Variants in KCNN2 observed in about 807,000 individuals in gnomAD.
KCNN2 encodes small conductance calcium-activated potassium channel protein 2.
KCNN2 carries 24 observed loss-of-function variants against 55.5 expected under a neutral mutation model. That is an observed-to-expected ratio of 0.43 (90% CI 0.31 to 0.61). KCNN2 has a LOEUF of 0.61. KCNN2 is among the 20% of genes least tolerant of loss of function. KCNN2 has a pLI of 0.08. For synonymous variants in KCNN2, 431 were observed against 336.1 expected (o/e 1.28, Z -3.09); for missense variants, 754 against 853.6 (o/e 0.88, Z 1.45).
intron 4 of KCNN2, 26 bp downstream of exon 4, chr5:114,463,216 C>T: frequency 1.3e-6 from 2 of 1,588,820 alleles, no homozygotes; most frequent in Non-Finnish European, 1.7e-6. Context: ...CTTCACATCT[C>T]TTTTATTTAC....
rs537912293 is a variant in KCNN2, at chr5:114,304,323, A to G, written c.-184-56622A>G. 1.8e-4 allele frequency among the ~76,000 whole-genome samples: 27 copies of G among 152,298 alleles called. No homozygotes were observed. In the South Asian group the frequency reaches 3.7e-3, roughly 21 times the overall value. ...AGTTGGTGCAAAAAAGGTAGGTGTC[A>G]TGGGAGTCTGGGCCATCTTATCATG... On this transcript the variant is annotated intron_variant, in intron 2 of 10. Transcript: ENST00000512097.
intron 1 of KCNN2, among the ~76,000 whole-genome samples, chr5:114,114,139 T>A (rs11959267): frequency 0.23 from 35,371 of 152,054 alleles, 5,041 homozygotes; most frequent in African/African-American, 0.4. Flanking sequence ...TTAGAAGTGG[T>A]TATACAGAAG....
At chr5:114,302,819 C>T (rs970151950) in intron 2 of KCNN2, among the ~76,000 whole-genome samples, 4 of 152,062 alleles carry the variant, frequency 2.6e-5, no homozygotes, top group Non-Finnish European at 5.9e-5. Context: ...TGCCATAAGA[C>T]GGCTGAATAA....
At chr5:114,483,238 A>G (rs1762306200) in intron 5 of KCNN2, among the ~76,000 whole-genome samples, 1 of 151,180 alleles carries the variant, frequency 6.6e-6, no homozygotes, top group Non-Finnish European at 1.5e-5. Context: ...AAGTACTACC[A>G]CTAACAATAA....
rs187401199 is a variant in KCNN2 at position 114,382,622 on chromosome 5, G to A, written c.1218+18621G>A. Among the ~76,000 whole-genome samples, 2 of 152,302 alleles carry A rather than the reference G, an allele frequency of 1.3e-5. 1 individual carries two copies. The highest frequency in any genetic ancestry group is 3.9e-4 in the East Asian group (2 of 5,192). On this transcript the variant is annotated intron_variant, in intron 2 of 7. Coordinates refer to ENST00000673685, the MANE Select transcript of KCNN2 (RefSeq NM_021614.4). ...TTGGAGACAGAGAAAGAATGCTAAT[G>A]GAGAAAAGCCACCCAAGACAATACT... is the stretch of plus-strand genomic sequence containing the variant.
chr5:114,147,149 A>G (rs114360715), intron 1 of KCNN2, among the ~76,000 whole-genome samples: 381 of 152,280 alleles, frequency 2.5e-3, no homozygotes, highest in African/African-American at 8.8e-3. Flanking sequence ...CCTTTTCATT[A>G]CTGGATCCAT....
intron 3 of KCNN2, 138 bp downstream of exon 3, chr5:114,404,994 G>C: frequency 4.5e-6 from 3 of 665,200 alleles, no homozygotes; most frequent in Non-Finnish European, 5.1e-6. Context: ...TCTTTGAAAT[G>C]ACTGTGACAA....
At chr5:114,172,658 A>T (rs1041894085) in intron 1 of KCNN2, among the ~76,000 whole-genome samples, 2 of 149,056 alleles carry the variant, frequency 1.3e-5, no homozygotes, top group South Asian at 2.1e-4. Context: ...AATATATATT[A>T]TGTTGTTTTG....
intron 2 of KCNN2, among the ~76,000 whole-genome samples, chr5:114,393,433 G>T (rs1758515798): frequency 6.6e-6 from 1 of 152,058 alleles, no homozygotes; most frequent in Non-Finnish European, 1.5e-5. Flanking sequence ...TTCTAGTTTT[G>T]AAGTTTTGTA....
At chr5:114,341,423 T>A (rs1254571880) in intron 2 of KCNN2, among the ~76,000 whole-genome samples, 1 of 152,102 alleles carries the variant, frequency 6.6e-6, no homozygotes, top group Non-Finnish European at 1.5e-5. Context: ...AGGAGATGAA[T>A]GCTAGAAATG....
intron 1 of KCNN2, among the ~76,000 whole-genome samples, chr5:114,190,718 G>A (rs1753431924): frequency 6.6e-6 from 1 of 151,960 alleles, no homozygotes; most frequent in Non-Finnish European, 1.5e-5. Flanking sequence ...ATGTGTGCAT[G>A]GATTTAAAAA....
intron 2 of KCNN2, among the ~76,000 whole-genome samples, chr5:114,356,421 A>G (rs979390736): frequency 1.3e-5 from 2 of 152,162 alleles, no homozygotes; most frequent in Non-Finnish European, 2.9e-5. Flanking sequence ...TGAAATCCAG[A>G]TTATTTTAAT....
At chr5:114,254,598 A>G (rs1330792038) in intron 2 of KCNN2, among the ~76,000 whole-genome samples, 1 of 152,210 alleles carries the variant, frequency 6.6e-6, no homozygotes, top group Non-Finnish European at 1.5e-5. Context: ...AAGTTATCAC[A>G]GTAAATATTT....
chr5:114,208,099 C>T (rs1009578074), intron 1 of KCNN2, among the ~76,000 whole-genome samples: 1 of 152,180 alleles, frequency 6.6e-6, no homozygotes, highest in Non-Finnish European at 1.5e-5. Context: ...GGAATTAAAA[C>T]ACAAGAATGA....
Position 114,476,997 on chromosome 5 carries a change from TAA to T in KCNN2, c.1890+3836_1890+3837del, listed in dbSNP as rs1761995981. Among the ~76,000 whole-genome samples the T allele has an allele frequency of 4.6e-5, 3 of 64,588 alleles. No homozygotes were observed. The Admixed American group carries it at 5.2e-4, about 11-fold the overall frequency. 42.4% of individuals were successfully genotyped at this position (64,588 alleles called of 152,430 possible). Reference sequence around the variant, plus strand: ...TAAATGAGTATAAACTTTAAACTTTTAAAATAATTCTAAAATGCTGAATGATT... The same window carrying T: ...TAAATGAGTATAAACTTTAAACTTTTAATAATTCTAAAATGCTGAATGATT... On this transcript the variant is annotated intron_variant, in intron 5 of 7. Transcript: ENST00000673685.
In KCNN2 at chr5:114,268,073, G is replaced by A. The variant is rs565454613; in HGVS notation, c.-185+46508G>A. Among the ~76,000 whole-genome samples, 237 of 152,212 alleles carry A rather than the reference G, an allele frequency of 1.6e-3. 1 individual carries two copies. The highest frequency in any genetic ancestry group is 5.3e-3 in the African/African-American group (221 of 41,546). On this transcript the variant is annotated intron_variant, in intron 2 of 10. Transcript: ENST00000512097. ...TCCCACTTGATGCTTCCTAAATCGC[G>A]TCATTTGCTGCCCAAATTGCACACA...
At chr5:114,219,106 G>A (rs546701031) in intron 1 of KCNN2, among the ~76,000 whole-genome samples, 3 of 152,342 alleles carry the variant, frequency 2.0e-5, no homozygotes, top group South Asian at 4.1e-4. Flanking sequence ...GGGCACCAGC[G>A]GGAGTGAACT....
intron 2 of KCNN2, among the ~76,000 whole-genome samples, chr5:114,310,671 TAGAC>T (rs765987050): frequency 6.6e-6 from 1 of 152,098 alleles, no homozygotes; most frequent in Non-Finnish European, 1.5e-5. Context: ...GTGACTGTAT[TAGAC>T]AGGAATATTT....
chr5:114,326,686 G>A (rs1756720184), intron 2 of KCNN2, among the ~76,000 whole-genome samples: 1 of 152,116 alleles, frequency 6.6e-6, no homozygotes. Context: ...TAGACTTCTG[G>A]ACACACTGAA....
Sources: gnomAD v4.1 joint callset for allele counts (sites outside exome capture counted in the v4.1 genomes callset) on GRCh38, gnomAD v4.1.1 for gene constraint, MANE v1.5 for transcripts, NCBI Gene and HGNC (gene_info 2026-07-23, HGNC 2026-07-21) for gene names.